KAZN: variants seen among roughly 807,000 people sequenced by gnomAD.
KAZN encodes kazrin.
A neutral mutation model predicts 87.4 loss-of-function variants in KAZN; 40 were observed. That is an observed-to-expected ratio of 0.46 (90% CI 0.36 to 0.60). The LOEUF is 0.60. Among genes scored for constraint, KAZN ranks in the 20% least tolerant of loss-of-function variants. KAZN has a pLI of 0.00. For synonymous variants in KAZN, 466 were observed against 458.3 expected (o/e 1.02, Z -0.22); for missense variants, 898 against 1,073.9 (o/e 0.84, Z 2.29).
intron 1 of KAZN, among the ~76,000 whole-genome samples, chr1:14,052,150 C>A (rs1394734368): frequency 1.3e-5 from 2 of 152,234 alleles, no homozygotes; most frequent in Non-Finnish European, 2.9e-5. Context: ...CGGCTCACAT[C>A]TTGTACCTGC....
intron 2 of KAZN, among the ~76,000 whole-genome samples, chr1:14,999,096 G>A (rs1341397544): frequency 1.3e-5 from 2 of 152,224 alleles, no homozygotes; most frequent in Non-Finnish European, 2.9e-5. Context: ...CGAGGCAGGA[G>A]AATCGCTTGA....
chr1:14,148,474 T>A (rs1482190679), intron 1 of KAZN, among the ~76,000 whole-genome samples: 1 of 152,098 alleles, frequency 6.6e-6, no homozygotes, highest in Non-Finnish European at 1.5e-5. Context: ...TTTCTAAGAG[T>A]TTTCTCTTAT....
chr1:14,414,222 G>C (rs964991702), intron 2 of KAZN, among the ~76,000 whole-genome samples: 1 of 151,808 alleles, frequency 6.6e-6, no homozygotes, highest in Non-Finnish European at 1.5e-5. Flanking sequence ...AGTAACACTA[G>C]AGATGTTCAT....
intron 2 of KAZN, among the ~76,000 whole-genome samples, chr1:14,431,889 C>T (rs1194304064): frequency 1.3e-5 from 2 of 152,178 alleles, no homozygotes; most frequent in African/African-American, 4.8e-5. Flanking sequence ...TGTCTCTTCC[C>T]CAGCTTGCAG....
intron 6 of KAZN, 67 bp downstream of exon 6, chr1:15,060,369 CGGG>C: frequency 6.4e-7 from 1 of 1,557,116 alleles, no homozygotes. Context: ...GCGGGGGTGG[CGGG>C]GTGAAGCCAT....
intron 1 of KAZN, among the ~76,000 whole-genome samples, chr1:14,058,305 G>A (rs1351084743): frequency 2.6e-5 from 4 of 151,914 alleles, no homozygotes; most frequent in Non-Finnish European, 5.9e-5. Flanking sequence ...GTTTCTTTAA[G>A]CCTCTCTGCT....
At chr1:14,144,785 G>A (rs760358542) in intron 1 of KAZN, among the ~76,000 whole-genome samples, 1 of 152,134 alleles carries the variant, frequency 6.6e-6, no homozygotes, top group Non-Finnish European at 1.5e-5. Context: ...CACATGGCAC[G>A]AAAGGAAGCA....
rs184296143 is a variant in KAZN, at chr1:14,367,280, A to C, written c.249+186688A>C. 2.1e-3 allele frequency among the ~76,000 whole-genome samples: 317 copies of C among 152,240 alleles called. 1 individual carries two copies. The highest frequency in any genetic ancestry group is 7.1e-3 in the African/African-American group (296 of 41,560). ...GGAAAGGAAGCTGGAAGGGAGATGG[A>C]GCGAGAAGGTATTCTTCCCCTGAAG... On this transcript the variant is annotated intron_variant, in intron 2 of 16. Coordinates refer to the KAZN transcript ENST00000636203.
At chr1:14,990,125 G>A (rs1487252686) in intron 2 of KAZN, among the ~76,000 whole-genome samples, 1 of 152,186 alleles carries the variant, frequency 6.6e-6, no homozygotes, top group Non-Finnish European at 1.5e-5. Flanking sequence ...AAAGTCCAAG[G>A]TTGGGATCTC....
chr1:14,547,256 C>T (rs372762298), intron 2 of KAZN, among the ~76,000 whole-genome samples: 2 of 152,270 alleles, frequency 1.3e-5, no homozygotes, highest in East Asian at 1.9e-4. Flanking sequence ...TTTGGAATAC[C>T]ATTTCTCCCA....
At chr1:14,818,739 G>T (rs1351940344) in intron 1 of KAZN, among the ~76,000 whole-genome samples, 3 of 152,156 alleles carry the variant, frequency 2.0e-5, no homozygotes, top group Non-Finnish European at 4.4e-5. Context: ...CTTTGAGAAG[G>T]GGTGAGGGAG....
intron 1 of KAZN, among the ~76,000 whole-genome samples, chr1:14,627,369 A>G: frequency 6.6e-6 from 1 of 152,076 alleles, no homozygotes; most frequent in South Asian, 2.1e-4. Context: ...CCAGGAGGTC[A>G]ATAAGAGATG....
chr1:14,626,911 C>T (rs12081051), intron 1 of KAZN, among the ~76,000 whole-genome samples: 2 of 152,156 alleles, frequency 1.3e-5, no homozygotes, highest in Admixed American at 6.5e-5. Context: ...TTCTGGGAAG[C>T]CTTCCAGACT....
intron 1 of KAZN, among the ~76,000 whole-genome samples, chr1:13,934,351 A>AAG (rs578215183): frequency 1.9e-3 from 291 of 152,310 alleles, no homozygotes; most frequent in South Asian, 5.4e-3. Flanking sequence ...AGCGTCTGGA[A>AAG]AGAGATGCCT....
intron 1 of KAZN, among the ~76,000 whole-genome samples, chr1:13,963,714 A>G (rs1035483963): frequency 6.6e-6 from 1 of 150,500 alleles, no homozygotes; most frequent in African/African-American, 2.4e-5. Context: ...AAAAACCTTC[A>G]TCTCCTTCTG....
intron 1 of KAZN, among the ~76,000 whole-genome samples, chr1:13,926,895 T>C (rs1410359512): frequency 6.6e-6 from 1 of 152,198 alleles, no homozygotes; most frequent in Non-Finnish European, 1.5e-5. Flanking sequence ...TTTTGCTCCC[T>C]TTCAAAGGTT....
chr1:14,917,147 T>C (rs939201059), intron 1 of KAZN, among the ~76,000 whole-genome samples: 1 of 152,166 alleles, frequency 6.6e-6, no homozygotes, highest in Non-Finnish European at 1.5e-5. Flanking sequence ...AGTGAGCCCA[T>C]GAAAGGCCCA....
At chr1:14,834,448 G>A (rs866464028) in intron 1 of KAZN, among the ~76,000 whole-genome samples, 42 of 141,998 alleles carry the variant, frequency 3.0e-4, no homozygotes, top group African/African-American at 9.3e-4. Flanking sequence ...TGCAAGCTCC[G>A]CCTCTGGGGT....
chr1:14,416,982 GTATA>G (rs960454707), intron 2 of KAZN, among the ~76,000 whole-genome samples: 5 of 135,370 alleles, frequency 3.7e-5, no homozygotes, highest in African/African-American at 1.4e-4. Context: ...GTATATATGT[GTATA>G]TATATGTGTG....
Sources: gnomAD v4.1 joint callset for allele counts (sites outside exome capture counted in the v4.1 genomes callset) on GRCh38, gnomAD v4.1.1 for gene constraint, MANE v1.5 for transcripts, NCBI Gene and HGNC (gene_info 2026-07-23, HGNC 2026-07-21) for gene names.